The following FLVCR1 variants were observed in gnomAD, a reference collection of about 807,000 sequenced individuals.
The protein encoded by FLVCR1 is choline/ethanolamine transporter FLVCR1.
A neutral mutation model predicts 53.6 loss-of-function variants in FLVCR1; 34 were observed. The observed-to-expected ratio is 0.63, with a 90% confidence interval of 0.48 to 0.84. FLVCR1 has a LOEUF of 0.84. FLVCR1 is among the 40% of genes least tolerant of loss of function. The pLI, the probability that FLVCR1 is intolerant of heterozygous loss-of-function variation, is 0.00. For missense variants in FLVCR1, 677 were observed against 696.7 expected (o/e 0.97, Z 0.32); for synonymous variants, 300 against 286.3 (o/e 1.05, Z -0.48).
intron 1 of FLVCR1, among the ~76,000 whole-genome samples, chr1:212,860,350 G>GTTTTTTTGTTTTTTTTTTTTTTTTTTTTT (rs1664186676): frequency 1.2e-5 from 1 of 85,824 alleles, no homozygotes; most frequent in Non-Finnish European, 2.4e-5. Flanking sequence ...TGTGTGTGTG[G>GTTTTTTTGTTTTTTTTTTTTTTTTTTTTT]TTTTTTTTTT....
At chr1:212,859,359 A>C (rs1004516870) in intron 1 of FLVCR1, among the ~76,000 whole-genome samples, 169 bp downstream of exon 1, 2 of 152,058 alleles carry the variant, frequency 1.3e-5, no homozygotes, top group Non-Finnish European at 2.9e-5. Context: ...GTGGGCTATA[A>C]ATTTCTTTGT....
chr1:212,885,531 CTT>C, intron 5 of FLVCR1, 135 bp downstream of exon 5: 1 of 512,078 alleles, frequency 2.0e-6, no homozygotes, highest in South Asian at 2.2e-5. Context: ...AGTAGGTTCT[CTT>C]CACTTAACAA....
At chr1:212,872,610 A>G in intron 2 of FLVCR1, 68 bp from the exon 3 acceptor site, 1 of 1,016,476 alleles carries the variant, frequency 9.8e-7, no homozygotes, top group East Asian at 2.7e-5. Context: ...ATAATTACAT[A>G]TTGTAATATA....
chr1:212,859,546 C>T (rs1190499008), intron 1 of FLVCR1, among the ~76,000 whole-genome samples: 2 of 151,862 alleles, frequency 1.3e-5, no homozygotes, highest in East Asian at 1.9e-4. Flanking sequence ...GGGGAAACCC[C>T]GTCTCTGTTA....
chr1:212,862,950 ATCT>A (rs1226262135), intron 1 of FLVCR1, among the ~76,000 whole-genome samples: 1 of 152,160 alleles, frequency 6.6e-6, no homozygotes, highest in African/African-American at 2.4e-5. Context: ...CCATTTGTAT[ATCT>A]TCTTTGGAGA....
chr1:212,881,432 G>C (rs988190083), intron 3 of FLVCR1, among the ~76,000 whole-genome samples: 6 of 149,882 alleles, frequency 4.0e-5, no homozygotes, highest in African/African-American at 1.5e-4. Context: ...TCCACCTCCC[G>C]GATTCAAGCA....
At chr1:212,888,219 C>G (rs1323577197) in intron 6 of FLVCR1, among the ~76,000 whole-genome samples, 1 of 152,034 alleles carries the variant, frequency 6.6e-6, no homozygotes, top group Non-Finnish European at 1.5e-5. Context: ...ATGGATGAGC[C>G]TTACTTAATC....
chr1:212,884,654 A>G (rs1665012701), intron 4 of FLVCR1, among the ~76,000 whole-genome samples: 1 of 151,972 alleles, frequency 6.6e-6, no homozygotes, highest in South Asian at 2.1e-4. Context: ...ATATCTATAC[A>G]GTGTCATACC....
In FLVCR1 at chr1:212,863,888, C is replaced by T. The variant is rs769400685; in HGVS notation, c.883+19C>T. ...GCAATTGGTAAGTGAATTACTTTCC[C>T]TAAAGCTTAAATGAATGCATGATAG... is the stretch of plus-strand genomic sequence containing the variant. On this transcript the variant is annotated intron_variant, in intron 2 of 9. Coordinates refer to ENST00000366971, the MANE Select transcript of FLVCR1 (RefSeq NM_014053.4). 5.0e-6 allele frequency: 8 copies of T among 1,603,202 alleles called. No homozygotes were observed. The Admixed American group carries it at 1.3e-4, about 27-fold the overall frequency.
chr1:212,885,735 T>A (rs1190215749), intron 5 of FLVCR1, among the ~76,000 whole-genome samples: 1 of 151,890 alleles, frequency 6.6e-6, no homozygotes, highest in African/African-American at 2.4e-5. Context: ...ATATTTTTAG[T>A]AGAGACGGGG....
At chr1:212,873,593 T>C (rs1428347019) in intron 3 of FLVCR1, among the ~76,000 whole-genome samples, 3 of 152,244 alleles carry the variant, frequency 2.0e-5, no homozygotes, top group South Asian at 2.1e-4. Context: ...CTGACAGATA[T>C]TCATCCTGAC....
At chr1:212,875,343 T>C (rs1469160171) in intron 3 of FLVCR1, among the ~76,000 whole-genome samples, 1 of 152,128 alleles carries the variant, frequency 6.6e-6, no homozygotes, top group African/African-American at 2.4e-5. Flanking sequence ...AGGCCTATCA[T>C]TGAGAAAGGA....
In FLVCR1 at chr1:212,887,871, C is replaced by T. The variant is rs1553265623; in HGVS notation, c.1197-20C>T. 2.4e-6 allele frequency: 3 copies of T among 1,258,128 alleles called. No individual in the cohort carries two copies. The highest frequency in any genetic ancestry group is 1.2e-6 in the Non-Finnish European group (1 of 858,618). The allele number at this position is 1,258,128 out of a possible 1,614,324, so 77.9% of individuals were successfully genotyped here. A position where few individuals can be genotyped will look rare whatever the true frequency, so the allele number is the denominator to read the frequency against. On this transcript the variant is annotated intron_variant, in intron 5 of 9. Transcript: ENST00000366971. ...GGAGAATCAGACAAAATACTAACAG[C>T]TTTGTTGTTTTTGTTTTAGACAGAC...
Position 212,897,166 on chromosome 1 carries a change from CAAATAAAT to C in FLVCR1, c.*1916_*1923del, listed in dbSNP as rs141272551. On this transcript the variant is annotated 3_prime_UTR_variant, in exon 10 of 10. Coordinates refer to ENST00000366971, the MANE Select transcript of FLVCR1 (RefSeq NM_014053.4). ...CCTGGGAGATAAAGTGAGACTGTCT[CAAATAAAT>C]AAATAAATAAATAAATAAATAAATA... 0.034 allele frequency: 4,862 copies of C among 143,616 alleles called. 111 individuals are homozygous for C. Among genetic ancestry groups the C allele is most frequent in the Middle Eastern group, 0.055 (16 of 290 alleles). 8.9% of individuals were successfully genotyped at this position (143,616 alleles called of 1,614,324 possible). A position where few individuals can be genotyped will look rare whatever the true frequency, so the allele number is the denominator to read the frequency against.
chr1:212,873,857 T>A (rs569046866), intron 3 of FLVCR1, among the ~76,000 whole-genome samples: 1 of 152,302 alleles, frequency 6.6e-6, no homozygotes, highest in East Asian at 1.9e-4. Context: ...CAGGATTAGT[T>A]CCTTTTTTTT....
Position 212,861,959 on chromosome 1 carries a change from C to T in FLVCR1, c.739-1766C>T, listed in dbSNP as rs180679977. 4.3e-3 allele frequency among the ~76,000 whole-genome samples: 660 copies of T among 152,152 alleles called. 18 individuals are homozygous for T. Among genetic ancestry groups the T allele is most frequent in the Non-Finnish European group, 1.1e-3 (76 of 68,008 alleles). On this transcript the variant is annotated intron_variant, in intron 1 of 9. Coordinates refer to ENST00000366971, the MANE Select transcript of FLVCR1 (RefSeq NM_014053.4). The stretch of plus-strand genomic sequence containing the variant: ...TGCTGGGATTACAGGTGTGAGCCAC[C>T]GCGCCTGGCCTCTATCTAGCTTTTT...
chr1:212,887,851 A>G (rs1291210563), intron 5 of FLVCR1, 40 bp from the exon 6 acceptor site: 3 of 1,062,124 alleles, frequency 2.8e-6, no homozygotes, highest in African/African-American at 1.5e-5. Flanking sequence ...TCCTAGGAGA[A>G]TCAGACAAAA....
intron 3 of FLVCR1, among the ~76,000 whole-genome samples, chr1:212,876,661 G>A (rs4951466): frequency 0.22 from 33,675 of 152,022 alleles, 4,370 homozygotes; most frequent in East Asian, 0.44. Context: ...CACTGCGCCC[G>A]GCCTGATCTC....
At position 212,886,351 on chromosome 1, in the gene FLVCR1, TC is replaced by T. The variant is rs560313174; in HGVS notation, c.1196+956del. Among the ~76,000 whole-genome samples, 174 of 152,292 alleles carry T rather than the reference TC, an allele frequency of 1.1e-3. 1 individual carries two copies. The highest frequency in any genetic ancestry group is 4.0e-3 in the African/African-American group (165 of 41,552). ...AGCCACTGCACCTGGCCTATGTTGT[TC>T]TTTTTTTATGTTGTGGGCTTAAATA... On this transcript the variant is annotated intron_variant, in intron 5 of 9. Transcript: ENST00000366971.
Sources: gnomAD v4.1 joint callset for allele counts (sites outside exome capture counted in the v4.1 genomes callset) on GRCh38, gnomAD v4.1.1 for gene constraint, MANE v1.5 for transcripts, NCBI Gene and HGNC (gene_info 2026-07-23, HGNC 2026-07-21) for gene names.